NAA25: variants seen among roughly 807,000 people sequenced by gnomAD.
NAA25 encodes the protein N-terminal acetyltransferase B complex subunit NAA25.
In NAA25, 30 loss-of-function variants were observed where a neutral mutation model predicts 132.5. That is an observed-to-expected ratio of 0.23 (90% CI 0.17 to 0.31). The LOEUF (loss-of-function observed/expected upper bound fraction) is 0.31, where lower values mean the gene tolerates loss of function less well. Among genes scored for constraint, NAA25 ranks in the 10% least tolerant of loss-of-function variants. NAA25 has a pLI of 1.00. For missense variants in NAA25, 771 were observed against 1,150.4 expected (o/e 0.67, Z 4.77); for synonymous variants, 359 against 401.9 (o/e 0.89, Z 1.28).
At chr12:112,104,918 TGAGGC>T (rs1356811505) in intron 1 of NAA25, among the ~76,000 whole-genome samples, 1 of 151,728 alleles carries the variant, frequency 6.6e-6, no homozygotes, top group Non-Finnish European at 1.5e-5. Context: ...CTCAGGAGGC[TGAGGC>T]AGAGAACTGT....
intron 1 of NAA25, among the ~76,000 whole-genome samples, chr12:112,100,644 G>T (rs2079280927): frequency 8.0e-6 from 1 of 124,502 alleles, no homozygotes; most frequent in African/African-American, 3.1e-5. Context: ...TTTTGAGATG[G>T]AGTCTTGCTC....
chr12:112,095,253 CGG>C (rs2079194752), intron 1 of NAA25, among the ~76,000 whole-genome samples: 1 of 151,668 alleles, frequency 6.6e-6, no homozygotes, highest in Non-Finnish European at 1.5e-5. Flanking sequence ...CTGGCTAACA[CGG>C]TGAAACCCCA....
chr12:112,054,821 T>C (rs533878541), intron 13 of NAA25, among the ~76,000 whole-genome samples: 1 of 152,262 alleles, frequency 6.6e-6, no homozygotes, highest in East Asian at 1.9e-4. Flanking sequence ...CCAGGTCTTG[T>C]GGGGGGATGT....
At chr12:112,067,575 T>C (rs1418208899) in intron 11 of NAA25, among the ~76,000 whole-genome samples, 1 of 151,544 alleles carries the variant, frequency 6.6e-6, no homozygotes, top group Non-Finnish European at 1.5e-5. Flanking sequence ...CCAGGCCTGG[T>C]GGCATGTGCC....
chr12:112,071,326 T>G (rs1280512969), intron 10 of NAA25, among the ~76,000 whole-genome samples: 1 of 152,018 alleles, frequency 6.6e-6, no homozygotes, highest in African/African-American at 2.4e-5. Flanking sequence ...CAGCCAGGTT[T>G]TTTTATTTTT....
intron 1 of NAA25, among the ~76,000 whole-genome samples, chr12:112,095,563 C>G (rs1049259768): frequency 3.3e-5 from 5 of 150,626 alleles, no homozygotes; most frequent in Non-Finnish European, 7.4e-5. Flanking sequence ...CTACTGCACT[C>G]CAGCCTGGGT....
At chr12:112,069,266 A>G in intron 10 of NAA25, 1 of 295,384 alleles carries the variant, frequency 3.4e-6, no homozygotes, top group South Asian at 4.1e-5. Context: ...CACACTTTGG[A>G]AGACTAAGGC....
chr12:112,086,914 G>GACA (rs2079066094), intron 4 of NAA25, among the ~76,000 whole-genome samples: 1 of 12,460 alleles, frequency 8.0e-5, no homozygotes, highest in Non-Finnish European at 1.2e-4. Flanking sequence ...AGGAGGCTGA[G>GACA]GCAGAATAGC....
intron 1 of NAA25, among the ~76,000 whole-genome samples, chr12:112,105,779 A>G (rs2079354427): frequency 6.6e-6 from 1 of 152,354 alleles, no homozygotes; most frequent in East Asian, 1.9e-4. Flanking sequence ...GAGAATGTCT[A>G]TGTTCAAATC....
intron 6 of NAA25, 46 bp from the exon 7 acceptor site, chr12:112,078,312 A>G: frequency 1.5e-6 from 2 of 1,355,014 alleles, no homozygotes; most frequent in Non-Finnish European, 2.1e-6. Flanking sequence ...ACTTTTCAAT[A>G]ATAAAAAGAC....
chr12:112,042,547 T>A (rs1254934810), intron 19 of NAA25, among the ~76,000 whole-genome samples: 2 of 151,752 alleles, frequency 1.3e-5, no homozygotes, highest in Non-Finnish European at 2.9e-5. Context: ...CGCTCTATCA[T>A]CCAGGCTGGA....
intron 11 of NAA25, among the ~76,000 whole-genome samples, chr12:112,065,938 C>A (rs1260110316): frequency 6.6e-6 from 1 of 152,166 alleles, no homozygotes; most frequent in Non-Finnish European, 1.5e-5. Context: ...ATCCTACAGT[C>A]AAAAAGTGGC....
chr12:112,054,228 G>C (rs1382806464), intron 14 of NAA25, among the ~76,000 whole-genome samples, 160 bp downstream of exon 14: 1 of 152,118 alleles, frequency 6.6e-6, no homozygotes, highest in African/African-American at 2.4e-5. Flanking sequence ...CAAAATGCTG[G>C]GAGATATAAA....
chr12:112,090,944 C>T, intron 2 of NAA25, 80 bp from the exon 3 acceptor site: 10 of 1,401,420 alleles, frequency 7.1e-6, no homozygotes, highest in South Asian at 1.3e-5. Context: ...TCTGAAAGAA[C>T]AAGTATTAAG....
chr12:112,082,941 G>C (rs748919277), intron 4 of NAA25, among the ~76,000 whole-genome samples: 50 of 152,134 alleles, frequency 3.3e-4, no homozygotes, highest in Middle Eastern at 3.2e-3. Context: ...AAAACAAGTA[G>C]GATGTCTGGC....
At chr12:112,080,356 T>C (rs1172166474) in intron 5 of NAA25, among the ~76,000 whole-genome samples, 2 of 150,188 alleles carry the variant, frequency 1.3e-5, no homozygotes, top group Admixed American at 6.6e-5. Flanking sequence ...AGTCCCTGTT[T>C]GACATGCTGC....
intron 9 of NAA25, among the ~76,000 whole-genome samples, chr12:112,073,370 G>A (rs1391231064): frequency 2.0e-5 from 3 of 152,014 alleles, no homozygotes; most frequent in Admixed American, 6.6e-5. Context: ...TTAATATTAC[G>A]AAGCAAGCAT....
rs12426398 is a variant in NAA25, at chr12:112,044,486, C to T, written c.2007-618G>A. Among the ~76,000 whole-genome samples, 8,232 of 150,148 alleles carry T rather than the reference C, an allele frequency of 0.055. 1,245 individuals carry two copies. In the East Asian group the frequency reaches 0.61, roughly 11 times the overall value. Reference sequence around the variant, plus strand: ...GAGATCGAGATCATCCTGACTAATACGGTGAAACCCCGTCTCTACTAAAAA... The same window carrying T: ...GAGATCGAGATCATCCTGACTAATATGGTGAAACCCCGTCTCTACTAAAAA... On this transcript the variant is annotated intron_variant, in intron 17 of 23. Coordinates refer to ENST00000261745, the MANE Select transcript of NAA25 (RefSeq NM_024953.4).
intron 1 of NAA25, among the ~76,000 whole-genome samples, chr12:112,107,972 A>G (rs1020282589): frequency 6.6e-6 from 1 of 152,198 alleles, no homozygotes; most frequent in Non-Finnish European, 1.5e-5. Context: ...GGATCTGCTT[A>G]GCACAGGGAA....
Sources: allele counts gnomAD v4.1 joint callset (sites outside exome capture counted in the v4.1 genomes callset), GRCh38; gene constraint gnomAD v4.1.1; transcripts MANE v1.5; gene names NCBI Gene and HGNC (gene_info 2026-07-23, HGNC 2026-07-21).